TACC1: variants seen among roughly 807,000 people sequenced by gnomAD.
The protein encoded by TACC1 is transforming acidic coiled-coil-containing protein 1.
In TACC1, 48 loss-of-function variants were observed where a neutral mutation model predicts 84.4. That is an observed-to-expected ratio of 0.57 (90% CI 0.45 to 0.72). The LOEUF (loss-of-function observed/expected upper bound fraction) is 0.72, where lower values mean the gene tolerates loss of function less well. Among genes scored for constraint, TACC1 ranks in the 30% least tolerant of loss-of-function variants. The pLI, the probability that TACC1 is intolerant of heterozygous loss-of-function variation, is 0.00. For missense variants in TACC1, 920 were observed against 973.0 expected (o/e 0.95, Z 0.72); for synonymous variants, 372 against 376.3 (o/e 0.99, Z 0.13).
At chr8:38,846,898 T>A in intron 12 of TACC1, 79 bp downstream of exon 12, 1 of 1,554,824 alleles carries the variant, frequency 6.4e-7, no homozygotes, top group African/African-American at 1.4e-5. Flanking sequence ...TAATGACAGA[T>A]CTGGGTGAAA....
At chr8:38,823,722 C>T (rs1470257099) in intron 3 of TACC1, among the ~76,000 whole-genome samples, 3 of 152,172 alleles carry the variant, frequency 2.0e-5, no homozygotes, top group Non-Finnish European at 4.4e-5. Flanking sequence ...TGCTAGACCT[C>T]TTGGAAGTTT....
At chr8:38,755,755 A>C (rs1224284107) in intron 3 of TACC1, among the ~76,000 whole-genome samples, 1 of 134,014 alleles carries the variant, frequency 7.5e-6, no homozygotes, top group Non-Finnish European at 1.6e-5. Flanking sequence ...ACAACAACAG[A>C]GTGTTCCTGC....
chr8:38,768,816 A>T (rs1328737870), intron 3 of TACC1, among the ~76,000 whole-genome samples: 1 of 148,992 alleles, frequency 6.7e-6, no homozygotes, highest in Non-Finnish European at 1.5e-5. Flanking sequence ...GTGTGTGGTT[A>T]TATGTGTACC....
At chr8:38,847,815 A>C (rs1286098945) in intron 12 of TACC1, 140 bp from the exon 13 acceptor site, 2 of 602,348 alleles carry the variant, frequency 3.3e-6, no homozygotes, top group Non-Finnish European at 5.7e-6. Flanking sequence ...TCTTTAAAGC[A>C]TCTCTGATGT....
At chr8:38,807,991 G>A (rs1823159788) in intron 2 of TACC1, among the ~76,000 whole-genome samples, 1 of 152,166 alleles carries the variant, frequency 6.6e-6, no homozygotes. Flanking sequence ...GCTGACTATT[G>A]AAAGGAAGAG....
At chr8:38,836,980 G>A (rs1245455795) in intron 7 of TACC1, among the ~76,000 whole-genome samples, 3 of 151,926 alleles carry the variant, frequency 2.0e-5, no homozygotes, top group South Asian at 4.1e-4. Flanking sequence ...TATGCTGAAA[G>A]TGGTTAAGCA....
intron 2 of TACC1, among the ~76,000 whole-genome samples, chr8:38,814,049 T>C (rs1469621613): frequency 2.0e-5 from 3 of 152,194 alleles, no homozygotes; most frequent in African/African-American, 7.2e-5. Context: ...CTCCTACAGA[T>C]CTACTTACTG....
In TACC1 at chr8:38,836,264, G is replaced by A. The variant is rs775926435; in HGVS notation, c.1816G>A (p.Val606Met). 1.6e-5 allele frequency: 26 copies of A among 1,611,052 alleles called. No homozygotes were observed. Among genetic ancestry groups the A allele is most frequent in the South Asian group, 3.3e-5 (3 of 91,084 alleles). ...ICLSESDKTA[V>M]LTLIREEIIT... is the part of the protein sequence containing the mutation. ...CCTCAGCGAATCAGACAAGACAGCC[G>A]TGCTCACCTTAATAAGAGAAGAGGT... The change falls in exon 7 of 13, where the codon GTG becomes ATG. Residue 606 changes from valine to methionine, a missense_variant. By Grantham distance (21) the Val-to-Met change is conservative. This residue lies in a region of TACC1 where 762 missense variants were observed against 747.3 expected (regional missense o/e 1.02). Transcript: ENST00000317827.
intron 3 of TACC1, among the ~76,000 whole-genome samples, chr8:38,760,114 C>T (rs1396676794): frequency 6.6e-6 from 1 of 151,962 alleles, no homozygotes; most frequent in Non-Finnish European, 1.5e-5. Flanking sequence ...AAGTATGTTT[C>T]ACAATGTTCA....
chr8:38,780,371 C>CT (rs1224568161), intron 3 of TACC1, among the ~76,000 whole-genome samples: 12 of 151,032 alleles, frequency 7.9e-5, no homozygotes, highest in South Asian at 2.1e-4. Context: ...GTTGTTTGTT[C>CT]TTTTTTTTTG....
intron 2 of TACC1, among the ~76,000 whole-genome samples, chr8:38,789,213 G>A (rs1388552371): frequency 1.3e-5 from 2 of 152,154 alleles, no homozygotes; most frequent in African/African-American, 4.8e-5. Flanking sequence ...TTTTGATAGG[G>A]AGGTTCTTAA....
At chr8:38,777,448 C>T (rs1162948847) in intron 3 of TACC1, among the ~76,000 whole-genome samples, 1 of 152,124 alleles carries the variant, frequency 6.6e-6, no homozygotes, top group African/African-American at 2.4e-5. Flanking sequence ...CACAACTTTT[C>T]GGCCGGGAGA....
intron 2 of TACC1, among the ~76,000 whole-genome samples, chr8:38,807,258 C>G (rs1169772736): frequency 2.0e-5 from 3 of 152,164 alleles, no homozygotes; most frequent in South Asian, 4.1e-4. Context: ...TTCCCATCTT[C>G]TAATCATGCA....
At chr8:38,732,561 T>C (rs1469496335) in intron 1 of TACC1, among the ~76,000 whole-genome samples, 4 of 152,212 alleles carry the variant, frequency 2.6e-5, no homozygotes, top group African/African-American at 7.2e-5. Flanking sequence ...CAACTTTTAC[T>C]TGAAGTAGAA....
At chr8:38,768,198 T>C (rs889720477) in intron 3 of TACC1, among the ~76,000 whole-genome samples, 2 of 152,188 alleles carry the variant, frequency 1.3e-5, no homozygotes, top group African/African-American at 4.8e-5. Context: ...CCATTCCTTC[T>C]GCTGGTCGGG....
intron 3 of TACC1, among the ~76,000 whole-genome samples, chr8:38,771,358 G>T (rs990071097): frequency 6.6e-6 from 1 of 152,182 alleles, no homozygotes; most frequent in Admixed American, 6.5e-5. Context: ...CCCTCTTCCA[G>T]CTGTGATTTG....
intron 3 of TACC1, among the ~76,000 whole-genome samples, chr8:38,772,025 A>AAGAGAGAG (rs35335324): frequency 2.0e-5 from 3 of 148,502 alleles, no homozygotes; most frequent in Admixed American, 6.7e-5. Context: ...AAGAAAGAAA[A>AAGAGAGAG]AGAGAGAGAG....
In TACC1 at chr8:38,848,496, A is replaced by T. The variant is rs1364641622; in HGVS notation, c.*473A>T. On this transcript the variant is annotated 3_prime_UTR_variant, in exon 13 of 13. Transcript: ENST00000317827. ...TTGTTACTTCCAATTTATAATCAAG[A>T]AGGGGCTCTGGATCCCCTTTTAAAT... 1 of 153,018 alleles carries T rather than the reference A, an allele frequency of 6.5e-6. No homozygotes were observed. The highest frequency in any genetic ancestry group is 1.5e-5 in the Non-Finnish European group (1 of 68,300). The allele number at this position is 153,018 out of a possible 1,614,324, so 9.5% of individuals were successfully genotyped here. A position where few individuals can be genotyped will look rare whatever the true frequency, so the allele number is the denominator to read the frequency against.
chr8:38,753,955 T>A (rs1809537041), intron 3 of TACC1, among the ~76,000 whole-genome samples: 1 of 142,434 alleles, frequency 7.0e-6, no homozygotes, highest in Non-Finnish European at 1.6e-5. Context: ...TCTTTCATTT[T>A]TTGGGTTTTT....
Sources: gnomAD v4.1 joint callset for allele counts (sites outside exome capture counted in the v4.1 genomes callset) on GRCh38, gnomAD v4.1.1 for gene constraint, gnomAD v4.1.1 regional missense constraint, MANE v1.5 for transcripts, NCBI Gene and HGNC (gene_info 2026-07-23, HGNC 2026-07-21) for gene names.